The following ADCY3 variants were observed in gnomAD, a reference collection of about 807,000 sequenced individuals.
The protein encoded by ADCY3 is adenylate cyclase 3.
Under a neutral mutation model 119.4 loss-of-function variants are expected in ADCY3, and 70 were observed. The ratio of observed to expected loss-of-function variants is 0.59; its 90% confidence interval spans 0.48 to 0.72. ADCY3 has a LOEUF of 0.72. Among genes scored for constraint, ADCY3 ranks in the 30% least tolerant of loss-of-function variants. ADCY3 has a pLI of 0.00. For missense variants in ADCY3, 1,238 were observed against 1,541.6 expected (o/e 0.80, Z 3.30); for synonymous variants, 672 against 621.4 (o/e 1.08, Z -1.21).
At chr2:24,829,237 AAACT>A (rs889402333) in intron 13 of ADCY3, among the ~76,000 whole-genome samples, 1 of 150,782 alleles carries the variant, frequency 6.6e-6, no homozygotes, top group African/African-American at 2.4e-5. Flanking sequence ...GGCTGGTCTC[AAACT>A]CCTGACCTCA....
At chr2:24,866,075 A>G (rs1333420180) in intron 3 of ADCY3, among the ~76,000 whole-genome samples, 2 of 152,166 alleles carry the variant, frequency 1.3e-5, no homozygotes, top group Non-Finnish European at 2.9e-5. Context: ...TGCATGGGGC[A>G]AGAGACCAAG....
intron 3 of ADCY3, among the ~76,000 whole-genome samples, chr2:24,853,771 C>T (rs1672678530): frequency 6.6e-6 from 1 of 152,170 alleles, no homozygotes; most frequent in African/African-American, 2.4e-5. Context: ...CAGGCATGAG[C>T]CACCGTACCC....
In ADCY3 at chr2:24,834,835, C is replaced by A; in HGVS notation, c.1764G>T (p.Gln588His). ...GCTCAAGCAGGGCCTCGTTGAGCAG[C>A]TGGTTGAGCTCGTGCTCATCTTCAG... ...DASEDEHELN[Q>H]LLNEALLERE... Residue 588 changes from glutamine (Q) to histidine (H), a missense_variant, in exon 10 of 22, where the codon CAG becomes CAT. Gln to His is a conservative substitution (Grantham distance 24, BLOSUM62 0). This residue lies in a region of ADCY3 where 499 missense variants were observed against 571.0 expected (regional missense o/e 0.87). Transcript: ENST00000679454. This position sits in a 1 kb window ranked among gnomAD's most constrained non-coding sequence, Gnocchi z 4.2. 1 of 1,613,960 alleles carries A rather than the reference C, an allele frequency of 6.2e-7. No homozygotes were observed. The highest frequency in any genetic ancestry group is 8.5e-7 in the Non-Finnish European group (1 of 1,180,010).
At chr2:24,839,552 G>T (rs535573338) in intron 7 of ADCY3, among the ~76,000 whole-genome samples, 17 of 152,330 alleles carry the variant, frequency 1.1e-4, no homozygotes, top group African/African-American at 4.1e-4. Flanking sequence ...CTGACATAAG[G>T]AGAGCTGGGG....
chr2:24,870,778 T>G (rs1674894992), intron 3 of ADCY3, among the ~76,000 whole-genome samples: 1 of 152,182 alleles, frequency 6.6e-6, no homozygotes, highest in Non-Finnish European at 1.5e-5. Context: ...CATGGCCCCG[T>G]GCACTCGGCC....
chr2:24,879,757 C>A (rs978028523), intron 2 of ADCY3, among the ~76,000 whole-genome samples: 6 of 152,184 alleles, frequency 3.9e-5, no homozygotes, highest in Non-Finnish European at 4.4e-5. Context: ...GACCCCCTTA[C>A]CCCGGGGCCA....
In ADCY3 at chr2:24,872,749, C is replaced by T; in HGVS notation, c.676-30G>A. On this transcript the variant is annotated intron_variant, in intron 2 of 21. Transcript: ENST00000679454. This position sits in a 1 kb window ranked among gnomAD's most constrained non-coding sequence, Gnocchi z 4.4. ...ACCCCAAGGAAGAAGAGAGAAAAGG[C>T]CAGGGGTGAAGGCACGTCTTCAGAA... 1 of 1,604,526 alleles carries T rather than the reference C, an allele frequency of 6.2e-7. No individual in the cohort carries two copies. Among genetic ancestry groups the T allele is most frequent in the East Asian group, 2.2e-5 (1 of 44,584 alleles).
chr2:24,821,702 G>A, intron 19 of ADCY3, 62 bp from the exon 20 acceptor site: 1 of 1,585,496 alleles, frequency 6.3e-7, no homozygotes, highest in African/African-American at 1.3e-5. Flanking sequence ...CTGCTCTGCT[G>A]CCTTCCCTGG....
chr2:24,900,509 C>T (rs1573028355), intron 2 of ADCY3, among the ~76,000 whole-genome samples: 1 of 152,012 alleles, frequency 6.6e-6, no homozygotes, highest in East Asian at 2.0e-4. Context: ...GTTTGTGTCC[C>T]GCAGCTAGGC....
In ADCY3 at chr2:24,829,987, G is replaced by A. The variant is rs1028065065; in HGVS notation, c.2172+722C>T. On this transcript the variant is annotated intron_variant, in intron 13 of 21. Transcript: ENST00000679454. Reference sequence around the variant, plus strand: ...ATACACAGGACTGGGACTTAGAACTGCCTCCATTCTGGACTCTGTCACTTC... The same window carrying A: ...ATACACAGGACTGGGACTTAGAACTACCTCCATTCTGGACTCTGTCACTTC... Among the ~76,000 whole-genome samples, 14 of 150,966 alleles carry A rather than the reference G, an allele frequency of 9.3e-5. 1 individual carries two copies. The highest frequency in any genetic ancestry group is 2.0e-4 in the Admixed American group (3 of 15,142).
rs986348988 is a variant in ADCY3 at position 24,822,527 on chromosome 2, A to G, written c.2987T>C (p.Phe996Ser). ...GVTPDVNTNG[F>S]ASSNKEDKSE... Reference sequence around the variant, plus strand: ...GTTAGCTACCTTGTTGGAGCTGGCAAAGCCATTGGTGTTGACATCGGGGGT... The same window carrying G: ...GTTAGCTACCTTGTTGGAGCTGGCAGAGCCATTGGTGTTGACATCGGGGGT... Residue 996 changes from phenylalanine to serine, a missense_variant, in exon 19 of 22, where the codon TTT (phenylalanine) becomes TCT (serine). Around this residue, in one of 7 missense-constraint regions of ADCY3, gnomAD observed 63 missense variants for 62.8 expected, o/e 1.00. Transcript: ENST00000679454. The G allele has an allele frequency of 6.2e-7, 1 of 1,613,826 alleles. No individual in the cohort carries two copies. Among genetic ancestry groups the G allele is most frequent in the African/African-American group, 1.3e-5 (1 of 75,014 alleles).
At chr2:24,859,556 G>A (rs1253597179) in intron 3 of ADCY3, among the ~76,000 whole-genome samples, 1 of 152,212 alleles carries the variant, frequency 6.6e-6, no homozygotes, top group Admixed American at 6.5e-5. Flanking sequence ...GGGAAACAGT[G>A]ACCAGGCTTG....
intron 9 of ADCY3, 33 bp downstream of exon 9, chr2:24,836,882 CCT>C: frequency 6.4e-7 from 1 of 1,572,934 alleles, no homozygotes; most frequent in East Asian, 2.3e-5. Context: ...CGCATCTGGC[CCT>C]CAGTGACCCC....
chr2:24,892,394 G>A (rs552683941), intron 2 of ADCY3, among the ~76,000 whole-genome samples: 9 of 152,092 alleles, frequency 5.9e-5, no homozygotes, highest in Non-Finnish European at 8.8e-5. Flanking sequence ...GATTACAGGC[G>A]CTTGCCACCA....
chr2:24,913,667 G>A (rs1368335293), intron 2 of ADCY3, among the ~76,000 whole-genome samples: 1 of 152,216 alleles, frequency 6.6e-6, no homozygotes, highest in Admixed American at 6.5e-5. Context: ...CAGACAGGGT[G>A]TCTCTGGAAG....
intron 2 of ADCY3, among the ~76,000 whole-genome samples, chr2:24,873,159 G>A (rs1190806921): frequency 6.6e-6 from 1 of 152,232 alleles, no homozygotes; most frequent in Non-Finnish European, 1.5e-5. Flanking sequence ...TAAGGAGGGT[G>A]CACAAATCCC....
intron 3 of ADCY3, among the ~76,000 whole-genome samples, chr2:24,845,808 G>A (rs1294883073): frequency 6.6e-5 from 10 of 152,232 alleles, no homozygotes; most frequent in Non-Finnish European, 4.4e-5. Context: ...AGGTGTAAGA[G>A]GAAAAAGTAG....
intron 9 of ADCY3, among the ~76,000 whole-genome samples, chr2:24,836,571 G>A (rs1041943678): frequency 1.3e-5 from 2 of 152,210 alleles, no homozygotes; most frequent in Non-Finnish European, 2.9e-5. Flanking sequence ...GTGAGTCCAG[G>A]TCTGATATCT....
intron 13 of ADCY3, among the ~76,000 whole-genome samples, chr2:24,828,402 TC>T (rs1161159160): frequency 6.6e-6 from 1 of 152,160 alleles, no homozygotes; most frequent in Non-Finnish European, 1.5e-5. Context: ...TTTAGTACTG[TC>T]CCTATTGTAC....
Sources: allele counts gnomAD v4.1 joint callset (sites outside exome capture counted in the v4.1 genomes callset), GRCh38; gene constraint gnomAD v4.1.1; regional missense constraint gnomAD v4.1.1; non-coding constraint Gnocchi (gnomAD v3.1); transcripts MANE v1.5; gene names NCBI Gene and HGNC (gene_info 2026-07-23, HGNC 2026-07-21).